ZNF704: variants seen among roughly 807,000 people sequenced by gnomAD.
ZNF704 encodes the protein glucocorticoid induced gene 1.
Under a neutral mutation model 44.7 loss-of-function variants are expected in ZNF704, and 10 were observed. The ratio of observed to expected loss-of-function variants is 0.22; its 90% CI spans 0.14 to 0.38. ZNF704 has a LOEUF of 0.38. Ranked by LOEUF, ZNF704 falls within the 10% of genes least tolerant of loss-of-function variation. ZNF704 has a pLI of 1.00. For synonymous variants in ZNF704, 211 were observed against 207.6 expected (o/e 1.02, Z -0.14); for missense variants, 390 against 545.5 (o/e 0.71, Z 2.84).
intron 1 of ZNF704, among the ~76,000 whole-genome samples, chr8:80,832,488 T>C (rs1808487259): frequency 6.6e-6 from 1 of 152,146 alleles, no homozygotes; most frequent in South Asian, 2.1e-4. Flanking sequence ...TTCTTACAGA[T>C]TTACAGTAAT....
chr8:80,859,080 T>G (rs1486092044), intron 1 of ZNF704, among the ~76,000 whole-genome samples: 1 of 152,238 alleles, frequency 6.6e-6, no homozygotes, highest in African/African-American at 2.4e-5. Flanking sequence ...ATTTGTCTAT[T>G]TCTCTTCTTG....
intron 2 of ZNF704, among the ~76,000 whole-genome samples, chr8:80,769,742 G>C (rs551146202): frequency 6.6e-6 from 1 of 152,234 alleles, no homozygotes; most frequent in East Asian, 1.9e-4. Flanking sequence ...CACATTTTCT[G>C]TCTTCTTCCA....
intron 2 of ZNF704, among the ~76,000 whole-genome samples, chr8:80,785,001 T>C (rs945721942): frequency 2.0e-5 from 3 of 152,198 alleles, no homozygotes; most frequent in Non-Finnish European, 1.5e-5. Flanking sequence ...TGAAACAATA[T>C]TGATACATCA....
chr8:80,786,258 G>A (rs1248517233), intron 2 of ZNF704, among the ~76,000 whole-genome samples: 1 of 151,736 alleles, frequency 6.6e-6, no homozygotes, highest in Admixed American at 6.6e-5. Flanking sequence ...GCAGGACCCT[G>A]TCTTAAATAA....
At chr8:80,692,428 C>A (rs73693820) in intron 3 of ZNF704, among the ~76,000 whole-genome samples, 63 of 152,058 alleles carry the variant, frequency 4.1e-4, no homozygotes, top group Non-Finnish European at 6.9e-4. Flanking sequence ...ATGCTAGCCA[C>A]TAATATGGCT....
intron 2 of ZNF704, among the ~76,000 whole-genome samples, chr8:80,780,801 C>A (rs1377202265): frequency 6.6e-6 from 1 of 152,108 alleles, no homozygotes; most frequent in Non-Finnish European, 1.5e-5. Flanking sequence ...CAAGAGGGAG[C>A]ACACCCCTGC....
At chr8:80,644,421 A>C (rs760305517) in intron 7 of ZNF704, among the ~76,000 whole-genome samples, 1 of 152,060 alleles carries the variant, frequency 6.6e-6, no homozygotes, top group Non-Finnish European at 1.5e-5. Context: ...GCAACAAATT[A>C]ATTTTTTTAA....
intron 2 of ZNF704, among the ~76,000 whole-genome samples, chr8:80,705,882 T>C (rs566512864): frequency 3.3e-4 from 51 of 152,292 alleles, no homozygotes; most frequent in African/African-American, 1.2e-3. Flanking sequence ...CTCTTGATTG[T>C]TGCAGGAAGC....
At chr8:80,732,921 T>C (rs1585988287) in intron 2 of ZNF704, among the ~76,000 whole-genome samples, 1 of 129,166 alleles carries the variant, frequency 7.7e-6, no homozygotes, top group Non-Finnish European at 1.5e-5. Flanking sequence ...ACCACTGCAC[T>C]CCGGCCTGGG....
chr8:80,674,763 T>C (rs890250044), intron 4 of ZNF704, among the ~76,000 whole-genome samples: 2 of 152,086 alleles, frequency 1.3e-5, no homozygotes, highest in African/African-American at 4.8e-5. Flanking sequence ...ATGAACCATA[T>C]CAAACTATGG....
Position 80,693,127 on chromosome 8 carries a change from A to T in ZNF704, c.222-20T>A. 6.2e-7 allele frequency: 1 copy of T among 1,600,426 alleles called. No individual in the cohort carries two copies. The highest frequency in any genetic ancestry group is 8.6e-7 in the Non-Finnish European group (1 of 1,167,648). On this transcript the variant is annotated intron_variant, in intron 2 of 8. Transcript: ENST00000327835. ...GATTTCCTGTAAAACAGGAAGGGAC[A>T]CTGGTGACTGTTCACTCTGCATCTG...
At chr8:80,743,526 A>G (rs1585995923) in intron 2 of ZNF704, among the ~76,000 whole-genome samples, 1 of 152,352 alleles carries the variant, frequency 6.6e-6, no homozygotes, top group East Asian at 1.9e-4. Flanking sequence ...TAGGATGTTC[A>G]GAGAAGCAGG....
chr8:80,805,157 G>C (rs1351486230), intron 2 of ZNF704, among the ~76,000 whole-genome samples: 1 of 152,138 alleles, frequency 6.6e-6, no homozygotes, highest in Middle Eastern at 3.2e-3. Context: ...TTAGTTGACT[G>C]TTGTGCAAGT....
intron 2 of ZNF704, among the ~76,000 whole-genome samples, chr8:80,743,240 A>C (rs995111696): frequency 4.0e-5 from 6 of 151,506 alleles, no homozygotes; most frequent in Admixed American, 2.6e-4. Context: ...TAAAAAAAAA[A>C]CAACTCCACA....
chr8:80,752,846 A>G (rs1806971091), intron 2 of ZNF704, among the ~76,000 whole-genome samples: 1 of 152,212 alleles, frequency 6.6e-6, no homozygotes, highest in African/African-American at 2.4e-5. Context: ...TGGCCAAAAA[A>G]ATAATCTTTT....
At chr8:80,747,644 G>A (rs1347409164) in intron 2 of ZNF704, among the ~76,000 whole-genome samples, 1 of 152,206 alleles carries the variant, frequency 6.6e-6, no homozygotes, top group African/African-American at 2.4e-5. Context: ...AATTGCATCA[G>A]CAATTATGAT....
chr8:80,692,990 T>C lies in ZNF704; in HGVS notation c.325+14A>G. On this transcript the variant is annotated intron_variant, in intron 3 of 8. Coordinates refer to ENST00000327835, the MANE Select transcript of ZNF704 (RefSeq NM_001033723.3). ...TCAAGGGGCCCTTCCCTAAGTCCCA[T>C]ATCCTGGGCTTACCGTTCGGCCGCA... 6.2e-7 allele frequency: 1 copy of C among 1,613,284 alleles called. No individual in the cohort carries two copies. The highest frequency in any genetic ancestry group is 8.5e-7 in the Non-Finnish European group (1 of 1,179,388).
At chr8:80,702,551 G>GGA (rs1818827919) in intron 2 of ZNF704, among the ~76,000 whole-genome samples, 3 of 152,204 alleles carry the variant, frequency 2.0e-5, no homozygotes, top group Admixed American at 2.0e-4. Flanking sequence ...GCAAGGTTTT[G>GGA]GAGAGAGAGC....
intron 1 of ZNF704, among the ~76,000 whole-genome samples, chr8:80,822,756 G>GTA (rs1808300465): frequency 3.3e-5 from 5 of 152,100 alleles, no homozygotes; most frequent in Admixed American, 3.3e-4. Context: ...GTGTGAGATG[G>GTA]TATCTCATTG....
Sources: allele counts gnomAD v4.1 joint callset (sites outside exome capture counted in the v4.1 genomes callset), GRCh38; gene constraint gnomAD v4.1.1; transcripts MANE v1.5; gene names NCBI Gene and HGNC (gene_info 2026-07-23, HGNC 2026-07-21).